MIGA1: variants seen among roughly 807,000 people sequenced by gnomAD.
The protein encoded by MIGA1 is family with sequence similarity 73, member A.
MIGA1 carries 58 observed loss-of-function variants against 82.0 expected under a neutral mutation model. That is an observed-to-expected ratio of 0.71 (90% CI 0.57 to 0.88). The LOEUF (loss-of-function observed/expected upper bound fraction) is 0.88, where lower values mean the gene tolerates loss of function less well. MIGA1 is among the 40% of genes least tolerant of loss of function. The pLI, the probability that MIGA1 is intolerant of heterozygous loss-of-function variation, is 0.00. For synonymous variants in MIGA1, 249 were observed against 253.6 expected (o/e 0.98, Z 0.17); for missense variants, 751 against 749.1 (o/e 1.00, Z -0.03).
intron 8 of MIGA1, among the ~76,000 whole-genome samples, chr1:77,856,748 T>C (rs915200342): frequency 6.6e-6 from 1 of 152,182 alleles, no homozygotes; most frequent in Non-Finnish European, 1.5e-5. Flanking sequence ...TTAGTGAGGT[T>C]ATTGGGATTT....
chr1:77,842,750 G>A (rs1445359608), intron 7 of MIGA1, among the ~76,000 whole-genome samples: 3 of 152,084 alleles, frequency 2.0e-5, no homozygotes, highest in Non-Finnish European at 4.4e-5. Context: ...CCATGTTGGC[G>A]AGGCTGGTCT....
At chr1:77,811,075 C>T (rs1683308886) in intron 5 of MIGA1, 7 of 1,613,042 alleles carry the variant, frequency 4.3e-6, no homozygotes, top group Non-Finnish European at 5.9e-6. Flanking sequence ...GATAGCTGCA[C>T]CTTTGGTTAA....
intron 2 of MIGA1, among the ~76,000 whole-genome samples, chr1:77,784,187 C>T (rs1404103724): frequency 6.6e-6 from 1 of 152,098 alleles, no homozygotes; most frequent in Non-Finnish European, 1.5e-5. Context: ...ATTGCTGGAT[C>T]ATACAGTAAT....
At chr1:77,838,435 C>T (rs1053951243) in intron 7 of MIGA1, among the ~76,000 whole-genome samples, 2 of 151,650 alleles carry the variant, frequency 1.3e-5, no homozygotes, top group Admixed American at 6.6e-5. Flanking sequence ...TAATTACCTT[C>T]TATCTTATTT....
chr1:77,855,135 C>G (rs1453080969), intron 8 of MIGA1, among the ~76,000 whole-genome samples: 1 of 152,160 alleles, frequency 6.6e-6, no homozygotes, highest in African/African-American at 2.4e-5. Flanking sequence ...ATCCCAGCAA[C>G]ATTTGTTGAA....
intron 7 of MIGA1, among the ~76,000 whole-genome samples, chr1:77,828,057 TATAAATAA>T (rs560298209): frequency 1.1e-4 from 16 of 151,762 alleles, no homozygotes; most frequent in Non-Finnish European, 1.6e-4. Flanking sequence ...GACTTTGTCT[TATAAATAA>T]ATAAATAAAT....
intron 10 of MIGA1, 82 bp downstream of exon 10, chr1:77,859,468 C>G: frequency 1.1e-6 from 1 of 898,580 alleles, no homozygotes; most frequent in Non-Finnish European, 1.9e-6. Context: ...ATAAACAGGA[C>G]AGCTCTGTGC....
chr1:77,863,921 G>A lies in MIGA1; in HGVS notation c.1402G>A (p.Val468Ile). The change falls in exon 13 of 16, where the codon GTT (valine) becomes ATT (isoleucine). Residue 468 changes from valine to isoleucine, a missense_variant. Val to Ile is a conservative substitution (Grantham distance 29). Around this residue, in one of 3 missense-constraint regions of MIGA1, gnomAD observed 265 missense variants for 293.6 expected, o/e 0.90. Transcript: ENST00000370791. ...GAAAAATCTAAATTTTTATGATGTT[G>A]TTCTGGATTTTATATTAATGGACTC... 1 of 1,579,286 alleles carries A rather than the reference G, an allele frequency of 6.3e-7. No homozygotes were observed. Among genetic ancestry groups the A allele is most frequent in the Non-Finnish European group, 8.6e-7 (1 of 1,162,040 alleles).
intron 2 of MIGA1, among the ~76,000 whole-genome samples, chr1:77,785,638 C>T (rs139563937): frequency 0.013 from 1,944 of 152,272 alleles, 42 homozygotes; most frequent in South Asian, 0.1. Context: ...CCACTGCACC[C>T]GGCCAGGGCA....
chr1:77,815,270 ACTTTT>A, intron 7 of MIGA1, 39 bp downstream of exon 7: 1 of 1,477,622 alleles, frequency 6.8e-7, no homozygotes, highest in Non-Finnish European at 9.1e-7. Flanking sequence ...TGAAATGTTT[ACTTTT>A]CTTTTATATC....
chr1:77,790,312 G>A (rs1383413003), intron 2 of MIGA1, among the ~76,000 whole-genome samples: 1 of 152,016 alleles, frequency 6.6e-6, no homozygotes, highest in Non-Finnish European at 1.5e-5. Flanking sequence ...TGTCCTCCAG[G>A]CTGGAGCACA....
chr1:77,795,668 C>T (rs1306774255), intron 2 of MIGA1, among the ~76,000 whole-genome samples: 6 of 146,118 alleles, frequency 4.1e-5, no homozygotes, highest in Non-Finnish European at 4.5e-5. Flanking sequence ...CTCACTCTGT[C>T]GTTGAGGCTG....
rs558503744 is a variant in MIGA1, at chr1:77,874,736, T to C, written c.1681-110T>C. The C allele has an allele frequency of 8.3e-6, 6 of 720,220 alleles. No individual in the cohort carries two copies. In the East Asian group the frequency reaches 1.6e-4, roughly 19 times the overall value. 44.6% of individuals were successfully genotyped at this position (720,220 alleles called of 1,614,324 possible). On this transcript the variant is annotated intron_variant, in intron 15 of 15. Transcript: ENST00000370791. ...TTCTAATGAGATATGAAACTAGCAC[T>C]GGAAGTCAGGTCTTCTGAGTCCTGA...
At chr1:77,834,629 C>A (rs1043625116) in intron 7 of MIGA1, among the ~76,000 whole-genome samples, 1 of 152,052 alleles carries the variant, frequency 6.6e-6, no homozygotes, top group African/African-American at 2.4e-5. Flanking sequence ...CAACTTTGTT[C>A]TTTCTCTCAA....
chr1:77,779,870 G>T (rs1441448389), intron 1 of MIGA1, 134 bp downstream of exon 1: 7 of 1,426,842 alleles, frequency 4.9e-6, no homozygotes, highest in Non-Finnish European at 6.4e-6. Flanking sequence ...CTCTCGGAGT[G>T]CCAGGTGGAG....
At chr1:77,874,140 A>G (rs1310985026) in intron 15 of MIGA1, among the ~76,000 whole-genome samples, 1 of 152,202 alleles carries the variant, frequency 6.6e-6, no homozygotes, top group Non-Finnish European at 1.5e-5. Flanking sequence ...TAGAAATTAA[A>G]TATTCCTGTT....
intron 13 of MIGA1, 131 bp downstream of exon 13, chr1:77,864,159 G>A (rs1685572817): frequency 1.2e-6 from 1 of 837,284 alleles, no homozygotes. Context: ...TCAGGAGTTT[G>A]AGACCAGCCT....
intron 7 of MIGA1, among the ~76,000 whole-genome samples, chr1:77,821,642 C>T (rs1248149730): frequency 1.3e-5 from 2 of 152,112 alleles, no homozygotes; most frequent in Non-Finnish European, 2.9e-5. Flanking sequence ...GATCCGCCCG[C>T]CTCCGCCCCC....
intron 2 of MIGA1, among the ~76,000 whole-genome samples, chr1:77,799,815 T>C (rs1682801497): frequency 6.6e-6 from 1 of 151,908 alleles, no homozygotes; most frequent in Non-Finnish European, 1.5e-5. Flanking sequence ...TGCTTTTTTT[T>C]CTTAATAAGA....
Sources: allele counts gnomAD v4.1 joint callset (sites outside exome capture counted in the v4.1 genomes callset), GRCh38; gene constraint gnomAD v4.1.1; regional missense constraint gnomAD v4.1.1; transcripts MANE v1.5; gene names NCBI Gene and HGNC (gene_info 2026-07-23, HGNC 2026-07-21).